PMFBP1: variants seen among roughly 807,000 people sequenced by gnomAD.
The protein encoded by PMFBP1 is polyamine-modulated factor 1-binding protein 1.
PMFBP1 carries 131 observed loss-of-function variants against 137.8 expected under a neutral mutation model. The ratio of observed to expected loss-of-function variants is 0.95; its 90% CI spans 0.82 to 1.10. The LOEUF is 1.10. PMFBP1 is among the 50% of genes least tolerant of loss of function. The probability of loss-of-function intolerance (pLI) is 0.00; values close to 1 mark genes in which losing one functional copy is unlikely to be tolerated. For missense variants in PMFBP1, 1,199 were observed against 1,175.4 expected, an observed-to-expected ratio of 1.02 and a Z score of -0.29; for synonymous variants, 490 against 450.4, an observed-to-expected ratio of 1.09 and a Z score of -1.11.
chr16:72,169,018 T>C (rs773861028), intron 2 of PMFBP1, among the ~76,000 whole-genome samples: 13 of 152,176 alleles, frequency 8.5e-5, no homozygotes, highest in Non-Finnish European at 1.5e-4. Context: ...AAGCTCGTGA[T>C]TCAGTAGCAT....
At chr16:72,246,239 A>G in the PMFBP1 span, among the ~76,000 whole-genome samples, 1 of 152,170 alleles carries the variant, frequency 6.6e-6, no homozygotes, top group East Asian at 1.9e-4. Context: ...GAAGTGATAA[A>G]TAGGTGATGT....
intron 14 of PMFBP1, among the ~76,000 whole-genome samples, chr16:72,126,556 C>T (rs970680596): frequency 1.2e-4 from 19 of 152,226 alleles, no homozygotes; most frequent in African/African-American, 4.3e-4. Flanking sequence ...TGCCAGAAAG[C>T]AGGACTGTGC....
At chr16:72,226,187 G>A in the PMFBP1 span, among the ~76,000 whole-genome samples, 2 of 152,172 alleles carry the variant, frequency 1.3e-5, no homozygotes, top group Non-Finnish European at 2.9e-5. Flanking sequence ...TTTGTGAGCA[G>A]TGTCTGAGTA....
In PMFBP1 at chr16:72,154,459, C is replaced by G; in HGVS notation, c.166G>C (p.Asp56His). 1 of 1,613,682 alleles carries G rather than the reference C, an allele frequency of 6.2e-7. No homozygotes were observed. The highest frequency in any genetic ancestry group is 8.5e-7 in the Non-Finnish European group (1 of 1,179,654). ...GCTAATGCCTGTGCTTGCTTCTTGT[C>G]CTACCATAGAGACAGGATATACAAA... is the stretch of plus-strand genomic sequence containing the variant. ...CMEEAMNSSH[D>H]KKQAQALAFE... Residue 56 changes from aspartate to histidine, a missense_variant and splice_region_variant, in exon 4 of 21, where the codon GAC (aspartate) becomes CAC (histidine). Coordinates refer to ENST00000237353, the MANE Select transcript of PMFBP1 (RefSeq NM_031293.3).
Position 72,128,763 on chromosome 16 carries a change from T to G in PMFBP1, c.1982A>C (p.Glu661Ala). 6.2e-7 allele frequency: 1 copy of G among 1,614,226 alleles called. No homozygotes were observed. The highest frequency in any genetic ancestry group is 8.5e-7 in the Non-Finnish European group (1 of 1,180,038). The change falls in exon 14 of 21, where the codon GAA becomes GCA. Residue 661 changes from glutamate to alanine, a missense_variant. Coordinates refer to ENST00000237353, the MANE Select transcript of PMFBP1 (RefSeq NM_031293.3). The stretch of plus-strand genomic sequence containing the variant: ...TAGCTCTGCTCGGAGATTCTCATTT[T>G]CTTCCTCCAACTTTCTGGAATTCTC... ...LKENSRKLEE[E>A]NENLRAELQC...
In PMFBP1 at chr16:72,148,428, G is replaced by A. The variant is rs2042848067; in HGVS notation, c.636+2180C>T. On this transcript the variant is annotated intron_variant, in intron 5 of 20. Transcript: ENST00000237353. Reference sequence around the variant, plus strand: ...GAGAAATACCTAATGTAAATGACAAGTTGATAGGTGCAGCAAACCAACATG... The same window carrying A: ...GAGAAATACCTAATGTAAATGACAAATTGATAGGTGCAGCAAACCAACATG... Among the ~76,000 whole-genome samples, 3 of 152,230 alleles carry A rather than the reference G, an allele frequency of 2.0e-5. 1 individual carries two copies. The highest frequency in any genetic ancestry group is 1.9e-4 in the East Asian group (1 of 5,178).
chr16:72,210,865 G>A, the PMFBP1 span, among the ~76,000 whole-genome samples: 15 of 152,070 alleles, frequency 9.9e-5, no homozygotes, highest in African/African-American at 2.4e-5. Flanking sequence ...CATTAAGTTC[G>A]TCTCATGGCC....
At chr16:72,226,176 C>G in the PMFBP1 span, among the ~76,000 whole-genome samples, 1 of 152,124 alleles carries the variant, frequency 6.6e-6, no homozygotes, top group Non-Finnish European at 1.5e-5. Context: ...CTGGCCCAGG[C>G]TTTGTGAGCA....
intron 20 of PMFBP1, 182 bp from the exon 21 acceptor site, chr16:72,119,536 G>T (rs2042344876): frequency 2.7e-6 from 4 of 1,474,196 alleles, no homozygotes; most frequent in Non-Finnish European, 2.7e-6. Context: ...AGGTGGCTGG[G>T]GTGCTCTTAC....
chr16:72,240,156 A>T, the PMFBP1 span, among the ~76,000 whole-genome samples: 1 of 152,212 alleles, frequency 6.6e-6, no homozygotes, highest in South Asian at 2.1e-4. Flanking sequence ...AACAGGTCAT[A>T]TCAGGTAGAC....
At chr16:72,132,207 A>G (rs906078513) in intron 10 of PMFBP1, among the ~76,000 whole-genome samples, 2 of 152,142 alleles carry the variant, frequency 1.3e-5, no homozygotes, top group African/African-American at 4.8e-5. Context: ...TCACGCAACC[A>G]TCACCAATAT....
chr16:72,121,781 T>C (rs2042380191), intron 19 of PMFBP1, among the ~76,000 whole-genome samples: 1 of 152,208 alleles, frequency 6.6e-6, no homozygotes, highest in African/African-American at 2.4e-5. Flanking sequence ...TGCACCACCA[T>C]GCCTGGTTAG....
intron 2 of PMFBP1, among the ~76,000 whole-genome samples, 200 bp downstream of exon 2, chr16:72,170,997 C>G (rs2043212498): frequency 6.6e-6 from 1 of 152,162 alleles, no homozygotes; most frequent in South Asian, 2.1e-4. Flanking sequence ...AGGAAACAAA[C>G]TCAGTATCAT....
the PMFBP1 span, among the ~76,000 whole-genome samples, chr16:72,240,041 G>A: frequency 6.6e-6 from 1 of 152,132 alleles, no homozygotes; most frequent in Non-Finnish European, 1.5e-5. Context: ...AAGCACCAGG[G>A]AAATATTTTA....
Position 72,146,720 on chromosome 16 carries a change from T to C in PMFBP1, c.636+3888A>G, listed in dbSNP as rs184925294. Among the ~76,000 whole-genome samples the C allele has an allele frequency of 1.2e-4, 19 of 152,294 alleles. 1 individual carries two copies. The East Asian group carries it at 3.7e-3, about 29-fold the overall frequency. ...TGTGCAAAAATCACAAGCATTCCTA[T>C]ACATCATTAACAGACAAACAGAGAG... On this transcript the variant is annotated intron_variant, in intron 5 of 20. Transcript: ENST00000237353.
chr16:72,125,058 C>T, intron 16 of PMFBP1, 124 bp from the exon 17 acceptor site: 1 of 1,384,610 alleles, frequency 7.2e-7, no homozygotes, highest in Non-Finnish European at 9.9e-7. Flanking sequence ...TTCTCAGTGG[C>T]CAGCAGAGGG....
At chr16:72,144,828 T>C (rs1202028144) in intron 5 of PMFBP1, among the ~76,000 whole-genome samples, 1 of 152,192 alleles carries the variant, frequency 6.6e-6, no homozygotes, top group Non-Finnish European at 1.5e-5. Flanking sequence ...CAAGAAGAGC[T>C]AACTATCCTA....
chr16:72,199,437 T>C, the PMFBP1 span, among the ~76,000 whole-genome samples: 16 of 152,236 alleles, frequency 1.1e-4, no homozygotes, highest in African/African-American at 3.6e-4. Context: ...GCGGATGGCC[T>C]GAGGTCAGGA....
chr16:72,168,723 G>T (rs1465800599), intron 2 of PMFBP1, among the ~76,000 whole-genome samples: 1 of 152,090 alleles, frequency 6.6e-6, no homozygotes, highest in Admixed American at 6.6e-5. Context: ...CTTATATAAG[G>T]CTGGAACCTG....
Sources: allele counts gnomAD v4.1 joint callset (sites outside exome capture counted in the v4.1 genomes callset), GRCh38; gene constraint gnomAD v4.1.1; transcripts MANE v1.5; gene names NCBI Gene and HGNC (gene_info 2026-07-23, HGNC 2026-07-21).